AGTRAP: variants seen among roughly 807,000 people sequenced by gnomAD.
AGTRAP encodes angiotensin II receptor associated protein.
Under a neutral mutation model 15.2 loss-of-function variants are expected in AGTRAP, and 7 were observed. The ratio of observed to expected loss-of-function variants is 0.46; its 90% confidence interval spans 0.26 to 0.87. AGTRAP has a LOEUF of 0.87. Among genes scored for constraint, AGTRAP ranks in the 40% least tolerant of loss-of-function variants. The pLI is 0.15. For synonymous variants in AGTRAP, 74 were observed against 89.6 expected (o/e 0.83, Z 0.98); for missense variants, 187 against 213.4 (o/e 0.88, Z 0.77).
intron 4 of AGTRAP, 63 bp from the exon 5 acceptor site, chr1:11,750,014 C>G: frequency 7.3e-7 from 1 of 1,376,818 alleles, no homozygotes; most frequent in Non-Finnish European, 1.0e-6. Context: ...GGGTTGGACT[C>G]AGCTGAACAT....
chr1:11,739,889 A>G (rs1324220031), intron 1 of AGTRAP, among the ~76,000 whole-genome samples: 1 of 152,226 alleles, frequency 6.6e-6, no homozygotes, highest in Non-Finnish European at 1.5e-5. Context: ...ACAAATGGGT[A>G]CTGCCTCCGT....
chr1:11,738,035 A>G (rs1641942873), intron 1 of AGTRAP, among the ~76,000 whole-genome samples: 1 of 152,192 alleles, frequency 6.6e-6, no homozygotes, highest in East Asian at 1.9e-4. Context: ...CATATTAACA[A>G]ATTATTCATG....
intron 1 of AGTRAP, among the ~76,000 whole-genome samples, chr1:11,738,904 G>GAAT (rs1471385331): frequency 1.5e-4 from 23 of 151,928 alleles, no homozygotes; most frequent in African/African-American, 5.6e-4. Context: ...TCCATTTCTG[G>GAAT]GAAGTCCTAC....
Position 11,736,251 on chromosome 1 carries a change from G to GGGGAGGGTCCCCTTTGCGGGA in AGTRAP, c.27+19_27+39dup. The stretch of plus-strand genomic sequence containing the variant: ...GAACCTGAAGGTGGCGACGGGCTGG[G>GGGGAGGGTCCCCTTTGCGGGA]GGGAGGGTCCCCTTTGCGGGAGGAA... On this transcript the variant is annotated intron_variant, in intron 1 of 4. Coordinates refer to ENST00000314340, the MANE Select transcript of AGTRAP (RefSeq NM_020350.5). 1 of 1,606,132 alleles carries GGGGAGGGTCCCCTTTGCGGGA rather than the reference G, an allele frequency of 6.2e-7. No homozygotes were observed. Among genetic ancestry groups the GGGGAGGGTCCCCTTTGCGGGA allele is most frequent in the Non-Finnish European group, 8.5e-7 (1 of 1,177,010 alleles).
chr1:11,740,842 G>C (rs1642013074), intron 1 of AGTRAP, among the ~76,000 whole-genome samples: 1 of 152,162 alleles, frequency 6.6e-6, no homozygotes, highest in African/African-American at 2.4e-5. Flanking sequence ...ATTTTGGGGA[G>C]GAAAGGGGTG....
chr1:11,745,870 C>T lies in AGTRAP; in HGVS notation c.62+33C>T. 1 of 1,613,850 alleles carries T rather than the reference C, an allele frequency of 6.2e-7. No homozygotes were observed. ...ACTCTGTGGGTATCTTGTGTGTCTC[C>T]TGCGGTCTCAGGGTCTGTGTCAGCC... On this transcript the variant is annotated intron_variant, in intron 2 of 4. Transcript: ENST00000314340. The surrounding 1 kb of genome is among the most constrained non-coding windows in gnomAD (Gnocchi z 4.2).
rs902149711 is a variant in AGTRAP, at chr1:11,745,835, C to T, written c.60C>T (p.Thr20=). 9 of 1,614,064 alleles carry T rather than the reference C, an allele frequency of 5.6e-6. No individual in the cohort carries two copies. The highest frequency in any genetic ancestry group is 7.6e-6 in the Non-Finnish European group (9 of 1,180,022). The part of the protein sequence containing the change: ...VILLGHWLLT[T]WGCIVFSGSY... The stretch of plus-strand genomic sequence containing the variant: ...TCCTAGGTCACTGGCTGCTGACAAC[C>T]TGGTAAGTGACTCTGTGGGTATCTT... Residue 20 remains threonine (T), a splice_region_variant and synonymous_variant, in exon 2 of 5, where the codon ACC becomes ACT. Transcript: ENST00000314340. This position sits in a 1 kb window ranked among gnomAD's most constrained non-coding sequence, Gnocchi z 4.2.
chr1:11,737,794 T>A (rs1641936563), intron 1 of AGTRAP, among the ~76,000 whole-genome samples: 1 of 152,098 alleles, frequency 6.6e-6, no homozygotes, highest in Non-Finnish European at 1.5e-5. Flanking sequence ...AGGTATGAGC[T>A]ATGCTGGCTT....
At chr1:11,737,695 G>A (rs989100323) in intron 1 of AGTRAP, among the ~76,000 whole-genome samples, 1 of 152,168 alleles carries the variant, frequency 6.6e-6, no homozygotes, top group Non-Finnish European at 1.5e-5. Flanking sequence ...TGACTTTAAC[G>A]TTGGCTGTTT....
At position 11,736,172 on chromosome 1, in the gene AGTRAP, C is replaced by T. The variant is rs766894049; in HGVS notation, c.-37C>T. 4 of 1,590,420 alleles carry T rather than the reference C, an allele frequency of 2.5e-6. No homozygotes were observed. The highest frequency in any genetic ancestry group is 8.5e-7 in the Non-Finnish European group (1 of 1,169,666). ...CCGAGTTCGGAGCCTAGGAGCCCCC[C>T]GCGGCTGCGGCGCAGGTGCCCTCGG... On this transcript the variant is annotated 5_prime_UTR_variant, in exon 1 of 5. Coordinates refer to ENST00000314340, the MANE Select transcript of AGTRAP (RefSeq NM_020350.5).
At position 11,745,762 on chromosome 1, in the gene AGTRAP, C is replaced by G. The variant is rs916980721; in HGVS notation, c.28-41C>G. 2.5e-6 allele frequency: 4 copies of G among 1,611,462 alleles called. 1 individual carries two copies. In the South Asian group the frequency reaches 4.4e-5, roughly 18 times the overall value. ...GACGCTTTCCTGCCCCTGTGGTGGT[C>G]ATGTTCACAGACCTCTTCTCTCCCC... On this transcript the variant is annotated intron_variant, in intron 1 of 4. Coordinates refer to ENST00000314340, the MANE Select transcript of AGTRAP (RefSeq NM_020350.5). This position sits in a 1 kb window ranked among gnomAD's most constrained non-coding sequence, Gnocchi z 4.2.
intron 1 of AGTRAP, among the ~76,000 whole-genome samples, chr1:11,741,371 G>A (rs956144930): frequency 1.3e-5 from 2 of 152,166 alleles, no homozygotes; most frequent in African/African-American, 4.8e-5. Context: ...CCATTCCTAG[G>A]GCAGAGTACC....
At chr1:11,741,097 A>C (rs1384949210) in intron 1 of AGTRAP, among the ~76,000 whole-genome samples, 22 of 111,326 alleles carry the variant, frequency 2.0e-4, no homozygotes, top group South Asian at 2.7e-4. Context: ...CTCACCTTCC[A>C]CTCCAGCCAC....
At chr1:11,749,176 C>T (rs1254877644) in intron 4 of AGTRAP, among the ~76,000 whole-genome samples, 6 of 152,274 alleles carry the variant, frequency 3.9e-5, no homozygotes, top group East Asian at 1.9e-4. Flanking sequence ...CCCTCTCCCA[C>T]GCCCTCTCTG....
chr1:11,750,337 C>G lies in AGTRAP; in HGVS notation c.*145C>G. The G allele has an allele frequency of 1.3e-6, 1 of 768,116 alleles. No individual in the cohort carries two copies. The highest frequency in any genetic ancestry group is 2.2e-6 in the Non-Finnish European group (1 of 447,800). The allele number at this position is 768,116 out of a possible 1,614,324, so 47.6% of individuals were successfully genotyped here. On this transcript the variant is annotated 3_prime_UTR_variant, in exon 5 of 5. Transcript: ENST00000314340. ...ATTGCCTGAACCAAGAGGCCAGGAG[C>G]CCCCATGGGCCGCCCAGTACCATGC...
Position 11,750,061 on chromosome 1 carries a change from G to A in AGTRAP, c.365-16G>A, listed in dbSNP as rs1235670023. 6.2e-7 allele frequency: 1 copy of A among 1,601,640 alleles called. No homozygotes were observed. The highest frequency in any genetic ancestry group is 8.6e-7 in the Non-Finnish European group (1 of 1,169,386). ...ACCCTTCATTTTTCTTTCCCACCAT[G>A]TCCCCTGTCACCTAGGTTTCCTTGG... On this transcript the variant is annotated splice_polypyrimidine_tract_variant and intron_variant, in intron 4 of 4. Coordinates refer to ENST00000314340, the MANE Select transcript of AGTRAP (RefSeq NM_020350.5).
intron 3 of AGTRAP, 112 bp from the exon 4 acceptor site, chr1:11,748,303 G>T: frequency 8.2e-7 from 1 of 1,222,246 alleles, no homozygotes; most frequent in Non-Finnish European, 1.1e-6. Context: ...CCATTTTCCC[G>T]CAAGCCCCAA....
At chr1:11,747,885 G>A (rs1642205560) in intron 3 of AGTRAP, among the ~76,000 whole-genome samples, 2 of 152,214 alleles carry the variant, frequency 1.3e-5, no homozygotes, top group Admixed American at 1.3e-4. Flanking sequence ...CTCTTTTAGG[G>A]GAGGGGATAT....
In AGTRAP at chr1:11,738,680, G is replaced by T. The variant is rs138301490; in HGVS notation, c.27+2445G>T. ...GCCAACAGCTGTTCTGAGAGGTCAG[G>T]TGACTTGCCTAAGGTCACTAGGTTC... On this transcript the variant is annotated intron_variant, in intron 1 of 4. Coordinates refer to ENST00000314340, the MANE Select transcript of AGTRAP (RefSeq NM_020350.5). 7.5e-3 allele frequency among the ~76,000 whole-genome samples: 1,145 copies of T among 152,250 alleles called. 14 individuals are homozygous for T. The highest frequency in any genetic ancestry group is 0.025 in the African/African-American group (1,054 of 41,546).
Sources: gnomAD v4.1 joint callset for allele counts (sites outside exome capture counted in the v4.1 genomes callset) on GRCh38, gnomAD v4.1.1 for gene constraint, Gnocchi (gnomAD v3.1) non-coding constraint, MANE v1.5 for transcripts, NCBI Gene and HGNC (gene_info 2026-07-23, HGNC 2026-07-21) for gene names.